Variants in DLGAP2 observed in about 807,000 individuals in gnomAD.
DLGAP2 encodes the protein DLG associated protein 2.
In DLGAP2, 26 loss-of-function variants were observed where a neutral mutation model predicts 100.3. The observed-to-expected ratio is 0.26, with a 90% CI of 0.19 to 0.36. DLGAP2 has a LOEUF of 0.36. Ranked by LOEUF, DLGAP2 falls within the 10% of genes least tolerant of loss-of-function variation. The pLI is 1.00. For missense variants in DLGAP2, 1,858 were observed against 1,453.2 expected (o/e 1.28, Z -4.53); for synonymous variants, 886 against 630.1 (o/e 1.41, Z -6.08).
At chr8:1,648,137 A>G (rs553924103) in intron 8 of DLGAP2, among the ~76,000 whole-genome samples, 1 of 152,318 alleles carries the variant, frequency 6.6e-6, no homozygotes, top group East Asian at 1.9e-4. Context: ...TGAGTGAGTG[A>G]TTTGAAAATT....
At chr8:1,392,066 C>T (rs753907864) in intron 3 of DLGAP2, among the ~76,000 whole-genome samples, 6 of 152,174 alleles carry the variant, frequency 3.9e-5, no homozygotes, top group Non-Finnish European at 8.8e-5. Context: ...TAGGATCTTT[C>T]AGAAAACCCA....
At position 1,067,271 on chromosome 8, in the gene DLGAP2, G is replaced by T. The variant is rs563367532; in HGVS notation, c.73+159305G>T. Among the ~76,000 whole-genome samples the T allele has an allele frequency of 3.3e-5, 5 of 152,352 alleles. No homozygotes were observed. In the South Asian group the frequency reaches 8.3e-4, roughly 25 times the overall value. On this transcript the variant is annotated intron_variant, in intron 2 of 14. Coordinates refer to ENST00000637795, the MANE Select transcript of DLGAP2 (RefSeq NM_001346810.2). ...CTGTTCTTCAAGGAGAGACTGAGAAGGCTGAAGGGTATGCTCTGGTCAGGA... is the reference window on the plus strand; with the variant it reads ...CTGTTCTTCAAGGAGAGACTGAGAATGCTGAAGGGTATGCTCTGGTCAGGA...
intron 2 of DLGAP2, among the ~76,000 whole-genome samples, chr8:1,046,632 C>A (rs73176543): frequency 0.019 from 2,879 of 152,286 alleles, 36 homozygotes; most frequent in Admixed American, 0.029. Flanking sequence ...TGTGTTAGTA[C>A]ACGTTGAAAA....
chr8:1,342,510 T>C (rs1801439695), intron 3 of DLGAP2, among the ~76,000 whole-genome samples: 1 of 50,008 alleles, frequency 2.0e-5, no homozygotes, highest in South Asian at 1.3e-3. Context: ...GTTAATAGTT[T>C]GGGTTTGTGG....
intron 13 of DLGAP2, among the ~76,000 whole-genome samples, chr8:1,695,809 G>A (rs544151916): frequency 3.3e-5 from 5 of 152,234 alleles, no homozygotes; most frequent in South Asian, 2.1e-4. Context: ...GGCATCCCTC[G>A]ACTGACTTCG....
At chr8:1,440,073 T>C (rs1797783653) in intron 3 of DLGAP2, among the ~76,000 whole-genome samples, 1 of 152,206 alleles carries the variant, frequency 6.6e-6, no homozygotes, top group Non-Finnish European at 1.5e-5. Context: ...TGAGCTCAGC[T>C]ACCTCTCAGG....
intron 4 of DLGAP2, among the ~76,000 whole-genome samples, chr8:1,518,562 C>A (rs1351871679): frequency 1.3e-5 from 2 of 152,098 alleles, no homozygotes; most frequent in African/African-American, 4.8e-5. Context: ...GAGTCTCATC[C>A]AACCTTGATC....
chr8:1,116,342 G>A (rs778965661), intron 2 of DLGAP2, among the ~76,000 whole-genome samples: 6 of 152,166 alleles, frequency 3.9e-5, no homozygotes, highest in African/African-American at 9.7e-5. Context: ...AAGAGTGAGC[G>A]GTTGATGCCC....
At chr8:918,935 TTGC>T (rs967224052) in intron 2 of DLGAP2, among the ~76,000 whole-genome samples, 11 of 152,218 alleles carry the variant, frequency 7.2e-5, no homozygotes, top group African/African-American at 2.2e-4. Flanking sequence ...GGGTTTTTTG[TTGC>T]TGTTGTTGTT....
intron 1 of DLGAP2, among the ~76,000 whole-genome samples, chr8:821,910 C>T (rs1332882418): frequency 6.6e-6 from 1 of 152,244 alleles, no homozygotes; most frequent in Non-Finnish European, 1.5e-5. Flanking sequence ...GGTCTACAAA[C>T]AGTTGGTGGT....
intron 3 of DLGAP2, among the ~76,000 whole-genome samples, chr8:1,365,711 G>A (rs1802093396): frequency 6.6e-6 from 1 of 152,230 alleles, no homozygotes; most frequent in Non-Finnish European, 1.5e-5. Context: ...AGCCGCTGCA[G>A]CCAATGTCAC....
intron 2 of DLGAP2, among the ~76,000 whole-genome samples, chr8:926,899 T>G (rs1479048732): frequency 6.6e-6 from 1 of 152,186 alleles, no homozygotes; most frequent in African/African-American, 2.4e-5. Context: ...GGAGCGAGCC[T>G]CGTAGGCGTT....
At chr8:837,877 CGG>C (rs1796909461) in intron 1 of DLGAP2, among the ~76,000 whole-genome samples, 1 of 147,176 alleles carries the variant, frequency 6.8e-6, no homozygotes, top group Non-Finnish European at 1.5e-5. Flanking sequence ...TCACCACGCC[CGG>C]CTAGTTGTTT....
intron 2 of DLGAP2, among the ~76,000 whole-genome samples, chr8:1,087,988 G>C (rs1804032738): frequency 6.6e-6 from 1 of 152,238 alleles, no homozygotes; most frequent in Admixed American, 6.5e-5. Context: ...TATCCATCCT[G>C]GATAGAGCTG....
intron 3 of DLGAP2, among the ~76,000 whole-genome samples, chr8:1,382,186 A>G (rs1189737155): frequency 6.6e-6 from 1 of 152,236 alleles, no homozygotes; most frequent in Non-Finnish European, 1.5e-5. Flanking sequence ...TACATGCTGT[A>G]TTCATACAGT....
chr8:1,010,175 A>G (rs1013633876), intron 2 of DLGAP2, among the ~76,000 whole-genome samples: 1 of 152,300 alleles, frequency 6.6e-6, no homozygotes, highest in African/African-American at 2.4e-5. Context: ...GCACACACAG[A>G]CACATGCACA....
chr8:921,477 A>G (rs971233267), intron 2 of DLGAP2, among the ~76,000 whole-genome samples: 3 of 152,124 alleles, frequency 2.0e-5, no homozygotes, highest in East Asian at 1.9e-4. Context: ...ATGCACGTCT[A>G]TGAGCATTTC....
intron 1 of DLGAP2, among the ~76,000 whole-genome samples, chr8:895,362 A>G (rs989242763): frequency 6.6e-6 from 1 of 152,144 alleles, no homozygotes; most frequent in African/African-American, 2.4e-5. Context: ...TTGCAGTTGC[A>G]GTGTTGTTTT....
chr8:1,183,608 G>T (rs1237999960), intron 2 of DLGAP2, among the ~76,000 whole-genome samples: 2 of 152,222 alleles, frequency 1.3e-5, no homozygotes, highest in Non-Finnish European at 2.9e-5. Context: ...AGAGGCGGAG[G>T]TTTGCGAGGG....
Sources: gnomAD v4.1 joint callset for allele counts (sites outside exome capture counted in the v4.1 genomes callset) on GRCh38, gnomAD v4.1.1 for gene constraint, MANE v1.5 for transcripts, NCBI Gene and HGNC (gene_info 2026-07-23, HGNC 2026-07-21) for gene names.